The following FRMD8 variants were observed in gnomAD, a reference collection of about 807,000 sequenced individuals.
The protein encoded by FRMD8 is FERM domain-containing protein 8.
FRMD8 carries 37 observed loss-of-function variants against 54.2 expected under a neutral mutation model. The ratio of observed to expected loss-of-function variants is 0.68; its 90% CI spans 0.53 to 0.90. The LOEUF is 0.90. Ranked by LOEUF, FRMD8 falls within the 40% of genes least tolerant of loss-of-function variation. The probability of loss-of-function intolerance (pLI) is 0.00; values close to 1 mark genes in which losing one functional copy is unlikely to be tolerated. For missense variants in FRMD8, 585 were observed against 653.7 expected (o/e 0.89, Z 1.15); for synonymous variants, 246 against 286.9 (o/e 0.86, Z 1.44).
chr11:65,407,108 C>T (rs1856215716), intron 10 of FRMD8, among the ~76,000 whole-genome samples: 1 of 152,118 alleles, frequency 6.6e-6, no homozygotes, highest in Non-Finnish European at 1.5e-5. Context: ...GGTGACAGAA[C>T]ATGCTGTCAT....
At chr11:65,401,435 C>T (rs927957680) in intron 9 of FRMD8, among the ~76,000 whole-genome samples, 2 of 145,408 alleles carry the variant, frequency 1.4e-5, no homozygotes, top group Non-Finnish European at 3.0e-5. Context: ...TCAGACGCCC[C>T]TCCCTCCCAC....
chr11:65,374,982 T>TGAA, the FRMD8 span, among the ~76,000 whole-genome samples: 1 of 18,280 alleles, frequency 5.5e-5, no homozygotes, highest in Non-Finnish European at 1.7e-4. Flanking sequence ...AAAGAAAAAA[T>TGAA]AGAGAAAAAG....
chr11:65,389,267 T>G (rs975846389), intron 2 of FRMD8, 94 bp from the exon 3 acceptor site: 1 of 1,269,180 alleles, frequency 7.9e-7, no homozygotes, highest in Non-Finnish European at 1.1e-6. Context: ...GGGTGGGGGC[T>G]CCAGCCCCAG....
chr11:65,379,176 G>C, the FRMD8 span: 3 of 611,908 alleles, frequency 4.9e-6, no homozygotes, highest in African/African-American at 1.9e-5. Context: ...CCCACCAGCT[G>C]TCTCTGCCTT....
chr11:65,405,205 T>A, intron 10 of FRMD8, 137 bp downstream of exon 10: 1 of 826,270 alleles, frequency 1.2e-6, no homozygotes. Context: ...GACACAGCTG[T>A]GAGCAGGCCG....
the FRMD8 span, among the ~76,000 whole-genome samples, chr11:65,373,733 C>T: frequency 6.6e-6 from 1 of 152,086 alleles, no homozygotes; most frequent in African/African-American, 2.4e-5. Context: ...TCTACAGGCA[C>T]AGTGCCACCA....
At chr11:65,389,224 G>A (rs1855790946) in intron 2 of FRMD8, 137 bp from the exon 3 acceptor site, 2 of 772,858 alleles carry the variant, frequency 2.6e-6, no homozygotes, top group Non-Finnish European at 4.3e-6. Flanking sequence ...CTCTGTCTCA[G>A]GAGCGTAGCC....
chr11:65,406,005 A>G (rs1856187523), intron 10 of FRMD8, among the ~76,000 whole-genome samples: 2 of 151,206 alleles, frequency 1.3e-5, no homozygotes, highest in Non-Finnish European at 2.9e-5. Flanking sequence ...GACCCTATAT[A>G]TATATATTTT....
chr11:65,380,070 G>C, the FRMD8 span: 3 of 1,586,180 alleles, frequency 1.9e-6, no homozygotes, highest in Middle Eastern at 5.0e-4. Context: ...CTGATCTCAG[G>C]GCACCCTGAC....
intron 7 of FRMD8, among the ~76,000 whole-genome samples, chr11:65,397,332 G>A (rs1349109727): frequency 1.3e-5 from 2 of 152,204 alleles, no homozygotes; most frequent in African/African-American, 2.4e-5. Context: ...AAACAGCTCT[G>A]TGCACCTACT....
intron 10 of FRMD8, among the ~76,000 whole-genome samples, chr11:65,407,018 A>T (rs1254934683): frequency 6.6e-6 from 1 of 152,116 alleles, no homozygotes; most frequent in Non-Finnish European, 1.5e-5. Flanking sequence ...AAGAGAGGAC[A>T]TTTGTGGAAA....
Position 65,404,910 on chromosome 11 carries a change from A to T in FRMD8, c.1118A>T (p.Gln373Leu). 1 of 1,613,290 alleles carries T rather than the reference A, an allele frequency of 6.2e-7. No individual in the cohort carries two copies. Among genetic ancestry groups the T allele is most frequent in the South Asian group, 1.1e-5 (1 of 91,078 alleles). The change falls in exon 10 of 11, where the codon CAG becomes CTG. Residue 373 changes from glutamine to leucine, a missense_variant. Gln to Leu is a moderately radical substitution (Grantham distance 113, BLOSUM62 -2). Coordinates refer to ENST00000317568, the MANE Select transcript of FRMD8 (RefSeq NM_031904.5). The surrounding 1 kb of genome is among the most constrained non-coding windows in gnomAD (Gnocchi z 4.7). ...SLIEYCIELS[Q>L]AAEPAGPQDS... ...ATTGAGTACTGCATCGAACTGAGCC[A>T]GGCGGCGGAGCCCGCAGGCCCCCAG...
At chr11:65,380,437 G>A in the FRMD8 span, 1 of 1,065,454 alleles carries the variant, frequency 9.4e-7, no homozygotes, top group Non-Finnish European at 1.3e-6. Context: ...AGAGGGAAGA[G>A]CCAGCCAAAG....
At chr11:65,408,596 C>T (rs1018638893) in intron 10 of FRMD8, among the ~76,000 whole-genome samples, 1 of 151,648 alleles carries the variant, frequency 6.6e-6, no homozygotes. Flanking sequence ...CTAGAAATGG[C>T]CTTGCTAATG....
intron 10 of FRMD8, among the ~76,000 whole-genome samples, chr11:65,406,232 C>T (rs1308137547): frequency 2.4e-4 from 35 of 147,190 alleles, no homozygotes; most frequent in South Asian, 4.4e-4. Flanking sequence ...CTCACTCTGT[C>T]GCCCAGGCTG....
chr11:65,384,016 C>T (rs559489995), upstream of FRMD8, among the ~76,000 whole-genome samples: 1 of 152,244 alleles, frequency 6.6e-6, no homozygotes, highest in East Asian at 1.9e-4. Flanking sequence ...GTCTAAGCCT[C>T]TCAGCTCTAA....
chr11:65,373,648 G>T, the FRMD8 span, among the ~76,000 whole-genome samples: 4 of 152,034 alleles, frequency 2.6e-5, no homozygotes, highest in African/African-American at 9.7e-5. Context: ...GTACAGTGGC[G>T]CAATCAAAAC....
At chr11:65,409,134 G>A (rs1243623844) in intron 10 of FRMD8, among the ~76,000 whole-genome samples, 1 of 151,990 alleles carries the variant, frequency 6.6e-6, no homozygotes, top group Admixed American at 6.6e-5. Context: ...TGCCCAGGCT[G>A]GAGTGCAATG....
At position 65,395,432 on chromosome 11, in the gene FRMD8, G is replaced by C. The variant is rs772743290; in HGVS notation, c.581+1007G>C. Among the ~76,000 whole-genome samples, 50 of 152,120 alleles carry C rather than the reference G, an allele frequency of 3.3e-4. 1 individual carries two copies. Among genetic ancestry groups the C allele is most frequent in the Admixed American group, 6.5e-4 (10 of 15,268 alleles). On this transcript the variant is annotated intron_variant, in intron 6 of 10. Coordinates refer to ENST00000317568, the MANE Select transcript of FRMD8 (RefSeq NM_031904.5). ...TGCATGCCTGTAATCCCAGCTACTC[G>C]GGAGGCTGAGGCAGGAGAATTGCTT...
Sources: allele counts gnomAD v4.1 joint callset (sites outside exome capture counted in the v4.1 genomes callset), GRCh38; gene constraint gnomAD v4.1.1; non-coding constraint Gnocchi (gnomAD v3.1); transcripts MANE v1.5; gene names NCBI Gene and HGNC (gene_info 2026-07-23, HGNC 2026-07-21).